SOX5: variants seen among roughly 807,000 people sequenced by gnomAD.
The protein encoded by SOX5 is transcription factor SOX-5.
In SOX5, 9 loss-of-function variants were observed where a neutral mutation model predicts 92.0. That is an observed-to-expected ratio of 0.10 (90% CI 0.06 to 0.17). The LOEUF (loss-of-function observed/expected upper bound fraction) is 0.17. Ranked by LOEUF, SOX5 falls within the 10% of genes least tolerant of loss-of-function variation. The pLI is 1.00. For missense variants in SOX5, 642 were observed against 944.5 expected (o/e 0.68, Z 4.20); for synonymous variants, 344 against 336.3 (o/e 1.02, Z -0.25).
At chr12:24,073,196 T>C (rs548292885) in intron 4 of SOX5, among the ~76,000 whole-genome samples, 4 of 152,332 alleles carry the variant, frequency 2.6e-5, no homozygotes, top group Admixed American at 2.0e-4. Flanking sequence ...GATTGTAATA[T>C]TTATTCTGGA....
intron 4 of SOX5, among the ~76,000 whole-genome samples, chr12:23,996,342 C>G (rs1592166573): frequency 6.6e-6 from 1 of 152,202 alleles, no homozygotes; most frequent in Non-Finnish European, 1.5e-5. Context: ...ATGGAAATTT[C>G]ATGTTGGTGA....
chr12:24,023,062 C>T (rs1954488781), intron 4 of SOX5, among the ~76,000 whole-genome samples: 1 of 151,956 alleles, frequency 6.6e-6, no homozygotes, highest in Non-Finnish European at 1.5e-5. Context: ...CAAATCAACC[C>T]CATATCTGAA....
intron 4 of SOX5, among the ~76,000 whole-genome samples, chr12:24,159,344 C>A (rs1320683594): frequency 6.6e-6 from 1 of 151,932 alleles, no homozygotes; most frequent in Non-Finnish European, 1.5e-5. Flanking sequence ...ATAAATATTA[C>A]AAATTCAACT....
intron 3 of SOX5, among the ~76,000 whole-genome samples, chr12:24,228,559 T>C (rs1962607591): frequency 6.6e-6 from 1 of 152,198 alleles, no homozygotes; most frequent in South Asian, 2.1e-4. Context: ...TGGCAGCCGC[T>C]ACCAAGTTAC....
chr12:24,089,083 T>C lies in SOX5; in HGVS notation c.-2+124260A>G, dbSNP rs191928983. ...TTGCAAATGAAAAATACTGGTTTCA[T>C]CCAAAGTCGGTAATATCTCAATGTA... On this transcript the variant is annotated intron_variant, in intron 4 of 4. Coordinates refer to the SOX5 transcript ENST00000446891. Among the ~76,000 whole-genome samples the C allele has an allele frequency of 5.3e-5, 8 of 152,224 alleles. No homozygotes were observed. In the East Asian group the frequency reaches 1.5e-3, roughly 29 times the overall value.
upstream of SOX5, among the ~76,000 whole-genome samples, chr12:23,952,516 C>A (rs1440248901): frequency 6.6e-6 from 1 of 151,944 alleles, no homozygotes; most frequent in Non-Finnish European, 1.5e-5. Flanking sequence ...TGTACATATG[C>A]CAAATAAACA....
intron 1 of SOX5, among the ~76,000 whole-genome samples, chr12:23,923,943 A>G (rs951116110): frequency 2.0e-5 from 3 of 152,208 alleles, no homozygotes; most frequent in African/African-American, 7.2e-5. Context: ...TAGGACTTCA[A>G]TGACATTTTA....
intron 4 of SOX5, among the ~76,000 whole-genome samples, chr12:24,035,827 C>T (rs907314510): frequency 7.9e-5 from 12 of 151,980 alleles, no homozygotes; most frequent in African/African-American, 2.7e-4. Flanking sequence ...CTGTACAGTA[C>T]CAAAATCTCA....
chr12:24,347,888 C>G (rs758670820), intron 2 of SOX5, among the ~76,000 whole-genome samples: 1 of 151,930 alleles, frequency 6.6e-6, no homozygotes, highest in Non-Finnish European at 1.5e-5. Context: ...ATTGATGAAC[C>G]GACCTGGCCC....
intron 1 of SOX5, among the ~76,000 whole-genome samples, chr12:24,561,337 G>C (rs569253813): frequency 2.6e-4 from 39 of 152,246 alleles, no homozygotes; most frequent in Non-Finnish European, 4.6e-4. Context: ...AGAAACCAGC[G>C]TCTTCAGATA....
At chr12:24,164,730 C>T (rs1953184526) in intron 4 of SOX5, among the ~76,000 whole-genome samples, 1 of 152,046 alleles carries the variant, frequency 6.6e-6, no homozygotes, top group Non-Finnish European at 1.5e-5. Context: ...TATCTAAATG[C>T]TTCCTACCTC....
chr12:23,904,670 T>G (rs926105887), intron 1 of SOX5, among the ~76,000 whole-genome samples: 1 of 152,228 alleles, frequency 6.6e-6, no homozygotes, highest in Non-Finnish European at 1.5e-5. Flanking sequence ...TAAAAACATG[T>G]TCATCAAAAA....
intron 6 of SOX5, among the ~76,000 whole-genome samples, chr12:23,680,325 C>CAAAAA (rs57754255): frequency 2.5e-4 from 12 of 48,394 alleles, no homozygotes; most frequent in Non-Finnish European, 2.7e-4. Flanking sequence ...GACCTTGTCT[C>CAAAAA]AAAAAAAAAA....
At chr12:24,161,178 G>A (rs1952717915) in intron 4 of SOX5, among the ~76,000 whole-genome samples, 1 of 152,070 alleles carries the variant, frequency 6.6e-6, no homozygotes, top group Non-Finnish European at 1.5e-5. Flanking sequence ...CTTCCAAAGG[G>A]CCTTTTCCAG....
In SOX5 at chr12:23,579,051, T is replaced by C. The variant is rs550370349; in HGVS notation, c.1165-3213A>G. Among the ~76,000 whole-genome samples the C allele has an allele frequency of 1.2e-3, 179 of 151,972 alleles. 1 individual carries two copies. The highest frequency in any genetic ancestry group is 0.01 in the Middle Eastern group (3 of 294). On this transcript the variant is annotated intron_variant, in intron 9 of 14. Coordinates refer to ENST00000451604, the MANE Select transcript of SOX5 (RefSeq NM_006940.6). The stretch of plus-strand genomic sequence containing the variant: ...GAGCACAGAGGAAACACAGTGTGAG[T>C]GTATAGTGAGGGGGGAATGGCGGTA...
intron 1 of SOX5, among the ~76,000 whole-genome samples, chr12:24,488,610 C>T (rs1027323870): frequency 6.6e-6 from 1 of 152,120 alleles, no homozygotes; most frequent in African/African-American, 2.4e-5. Context: ...CAAAATATTA[C>T]TCAATCTGCA....
chr12:24,332,895 G>C (rs1426620040), intron 2 of SOX5, among the ~76,000 whole-genome samples: 1 of 152,112 alleles, frequency 6.6e-6, no homozygotes, highest in Admixed American at 6.5e-5. Context: ...ATTGTAAACT[G>C]TGATAATATA....
chr12:24,547,117 T>C (rs10842367), intron 1 of SOX5, among the ~76,000 whole-genome samples: 36,473 of 150,938 alleles, frequency 0.24, 5,027 homozygotes, highest in African/African-American at 0.37. Context: ...TTTTAGGAAG[T>C]AGGGGTAGGA....
rs900789230 is a variant in SOX5 at position 23,648,967 on chromosome 12, T to C, written c.932-8070A>G. Among the ~76,000 whole-genome samples the C allele has an allele frequency of 2.0e-5, 3 of 152,192 alleles. No individual in the cohort carries two copies. In the East Asian group the frequency reaches 5.8e-4, roughly 29 times the overall value. ...TTAATTTCAAAAGGATTGTGTCTAA[T>C]AGCGCTACGCTATTTCAATGATATT... On this transcript the variant is annotated intron_variant, in intron 7 of 14. Coordinates refer to ENST00000451604, the MANE Select transcript of SOX5 (RefSeq NM_006940.6).
Sources: allele counts gnomAD v4.1 joint callset (sites outside exome capture counted in the v4.1 genomes callset), GRCh38; gene constraint gnomAD v4.1.1; transcripts MANE v1.5; gene names NCBI Gene and HGNC (gene_info 2026-07-23, HGNC 2026-07-21).